The following TENM3 variants were observed in gnomAD, a reference collection of about 807,000 sequenced individuals.
The protein encoded by TENM3 is teneurin-3.
Under a neutral mutation model 255.1 loss-of-function variants are expected in TENM3, and 63 were observed. That is an observed-to-expected ratio of 0.25 (90% CI 0.20 to 0.30). The LOEUF is 0.30. TENM3 is among the 10% of genes least tolerant of loss of function. The pLI, the probability that TENM3 is intolerant of heterozygous loss-of-function variation, is 1.00. For synonymous variants in TENM3, 1,306 were observed against 1,322.3 expected (o/e 0.99, Z 0.27); for missense variants, 2,929 against 3,461.1 (o/e 0.85, Z 3.86).
At chr4:181,881,552 G>C in the TENM3 span, among the ~76,000 whole-genome samples, 134 of 151,996 alleles carry the variant, frequency 8.8e-4, 6 homozygotes, top group South Asian at 0.027. Context: ...CATTATTCCA[G>C]GTCCTGAAAT....
chr4:181,913,753 G>C, the TENM3 span, among the ~76,000 whole-genome samples: 8 of 152,170 alleles, frequency 5.3e-5, no homozygotes, highest in Non-Finnish European at 1.0e-4. Flanking sequence ...GAACAGGGAA[G>C]CTGAACATAC....
chr4:181,559,148 C>T, the TENM3 span, among the ~76,000 whole-genome samples: 115 of 151,936 alleles, frequency 7.6e-4, no homozygotes, highest in Middle Eastern at 0.017. Context: ...CAAAGTGCTT[C>T]CTAAAGGGTA....
chr4:182,527,286 A>G (rs775627151), intron 3 of TENM3, among the ~76,000 whole-genome samples: 6 of 152,220 alleles, frequency 3.9e-5, no homozygotes, highest in Non-Finnish European at 8.8e-5. Context: ...TGTATTTCCA[A>G]AAAGAAACTT....
chr4:182,423,743 T>C (rs542110048), intron 3 of TENM3, among the ~76,000 whole-genome samples: 1 of 152,328 alleles, frequency 6.6e-6, no homozygotes, highest in South Asian at 2.1e-4. Context: ...GAGAATCTTT[T>C]TGGCAGTTGT....
At chr4:181,829,337 T>C in the TENM3 span, among the ~76,000 whole-genome samples, 5 of 152,212 alleles carry the variant, frequency 3.3e-5, no homozygotes. Flanking sequence ...GTCTAAAATG[T>C]TGTATTTGCT....
chr4:182,714,161 C>A lies in TENM3; in HGVS notation c.2296C>A (p.Pro766Thr), dbSNP rs1329180383. 6.2e-7 allele frequency: 1 copy of A among 1,613,744 alleles called. No individual in the cohort carries two copies. The highest frequency in any genetic ancestry group is 2.2e-5 in the East Asian group (1 of 44,870). ...AAATGGCTGGCATTGTGTGTGCCAG[C>A]CTGGATGGAGAGGAGCAGGCTGTGA... ...DQNGWHCVCQ[P>T]GWRGAGCDVA... is the part of the protein sequence containing the mutation. The change falls in exon 13 of 28, where the codon CCT (proline) becomes ACT (threonine). Residue 766 changes from proline (P) to threonine (T), a missense_variant. By Grantham distance (38) the Pro-to-Thr change is conservative (BLOSUM62 -1). Around this residue, in one of 6 missense-constraint regions of TENM3, gnomAD observed 1,608 missense variants for 1,884.4 expected, o/e 0.85. Transcript: ENST00000511685.
At chr4:181,571,142 T>A in the TENM3 span, among the ~76,000 whole-genome samples, 1 of 152,154 alleles carries the variant, frequency 6.6e-6, no homozygotes, top group Non-Finnish European at 1.5e-5. Flanking sequence ...CTCAATTGTG[T>A]TCGCCACTGT....
At chr4:181,505,880 C>A in the TENM3 span, among the ~76,000 whole-genome samples, 1 of 152,192 alleles carries the variant, frequency 6.6e-6, no homozygotes, top group African/African-American at 2.4e-5. Flanking sequence ...ATCCTAAAAA[C>A]AACAAATAGA....
intron 1 of TENM3, among the ~76,000 whole-genome samples, chr4:182,216,531 C>T (rs145008668): frequency 5.3e-5 from 8 of 152,296 alleles, no homozygotes; most frequent in South Asian, 2.1e-4. Context: ...CTGTCAGTTT[C>T]GTTACTCCAT....
intron 1 of TENM3, among the ~76,000 whole-genome samples, chr4:182,300,675 G>A (rs916524210): frequency 4.6e-5 from 7 of 152,162 alleles, no homozygotes; most frequent in Non-Finnish European, 8.8e-5. Context: ...CTTTTCAGCT[G>A]TAGAATTCTC....
intron 4 of TENM3, among the ~76,000 whole-genome samples, chr4:182,616,267 A>C (rs894947640): frequency 6.6e-6 from 1 of 151,610 alleles, no homozygotes; most frequent in African/African-American, 2.4e-5. Context: ...TTGTTCAATT[A>C]CCACCTATGA....
chr4:182,603,477 G>C (rs1036921522), intron 4 of TENM3, among the ~76,000 whole-genome samples: 1 of 152,014 alleles, frequency 6.6e-6, no homozygotes, highest in African/African-American at 2.4e-5. Context: ...CAAAAGAAAT[G>C]ATATTTCAAC....
chr4:181,932,547 CACTTTAA>C, the TENM3 span, among the ~76,000 whole-genome samples: 1 of 152,202 alleles, frequency 6.6e-6, no homozygotes, highest in Non-Finnish European at 1.5e-5. Flanking sequence ...AAAATAGGAA[CACTTTAA>C]CACCGTTGGT....
At chr4:181,697,065 T>G in the TENM3 span, among the ~76,000 whole-genome samples, 2 of 152,246 alleles carry the variant, frequency 1.3e-5, no homozygotes, top group African/African-American at 4.8e-5. Context: ...CCTCCACTAA[T>G]TAGGGACCCT....
chr4:181,699,470 AAAGAAAG>A, the TENM3 span, among the ~76,000 whole-genome samples: 1 of 143,498 alleles, frequency 7.0e-6, no homozygotes, highest in African/African-American at 2.6e-5. Context: ...AAAAAAAAAA[AAAGAAAG>A]AAAGAAAAAG....
the TENM3 span, among the ~76,000 whole-genome samples, chr4:181,916,907 G>A: frequency 6.6e-6 from 1 of 151,964 alleles, no homozygotes; most frequent in Admixed American, 6.6e-5. Context: ...AGAAGCAGCA[G>A]GACTTGGAAT....
chr4:181,494,338 G>A, the TENM3 span, among the ~76,000 whole-genome samples: 1 of 152,170 alleles, frequency 6.6e-6, no homozygotes, highest in African/African-American at 2.4e-5. Flanking sequence ...AGGCTGGAGT[G>A]CAATGGCGCA....
chr4:182,661,754 A>G (rs543273618), intron 6 of TENM3, among the ~76,000 whole-genome samples: 3 of 152,266 alleles, frequency 2.0e-5, no homozygotes, highest in South Asian at 2.1e-4. Context: ...CAAATGCCCA[A>G]CCTTGCTTCC....
the TENM3 span, among the ~76,000 whole-genome samples, chr4:181,913,778 T>C: frequency 6.6e-6 from 1 of 152,176 alleles, no homozygotes; most frequent in Non-Finnish European, 1.5e-5. Context: ...ATATTGGTTC[T>C]TTGAGGAGGA....
Sources: allele counts gnomAD v4.1 joint callset (sites outside exome capture counted in the v4.1 genomes callset), GRCh38; gene constraint gnomAD v4.1.1; regional missense constraint gnomAD v4.1.1; transcripts MANE v1.5; gene names NCBI Gene and HGNC (gene_info 2026-07-23, HGNC 2026-07-21).